The following MICALL1 variants were observed in gnomAD, a reference collection of about 807,000 sequenced individuals.
The protein encoded by MICALL1 is MICAL-like protein 1.
Under a neutral mutation model 83.7 loss-of-function variants are expected in MICALL1, and 61 were observed. The ratio of observed to expected loss-of-function variants is 0.73; its 90% CI spans 0.59 to 0.90. The LOEUF (loss-of-function observed/expected upper bound fraction) is 0.90, where lower values mean the gene tolerates loss of function less well. Ranked by LOEUF, MICALL1 falls within the 40% of genes least tolerant of loss-of-function variation. The pLI is 0.00. For synonymous variants in MICALL1, 481 were observed against 473.6 expected (o/e 1.02, Z -0.20); for missense variants, 1,066 against 1,152.0 (o/e 0.93, Z 1.08).
chr22:37,918,674 C>T (rs1928826552), intron 4 of MICALL1, among the ~76,000 whole-genome samples: 1 of 152,196 alleles, frequency 6.6e-6, no homozygotes, highest in Non-Finnish European at 1.5e-5. Flanking sequence ...GGCTCCCCCG[C>T]AAAGGGGAGG....
chr22:37,930,759 G>A lies in MICALL1; in HGVS notation c.1882-1040G>A, dbSNP rs573622495. Among the ~76,000 whole-genome samples the A allele has an allele frequency of 3.9e-5, 6 of 152,322 alleles. No homozygotes were observed. Among genetic ancestry groups the A allele is most frequent in the African/African-American group, 1.4e-4 (6 of 41,572 alleles). ...CAGAGCCTGGGCTCTGGGTGTGTGG[G>A]TACTGGGCTGTGCAGCAGAGGATGA... is the stretch of plus-strand genomic sequence containing the variant. On this transcript the variant is annotated intron_variant, in intron 9 of 15. Transcript: ENST00000215957. This position sits in a 1 kb window ranked among gnomAD's most constrained non-coding sequence, Gnocchi z 4.8.
intron 5 of MICALL1, among the ~76,000 whole-genome samples, chr22:37,919,695 A>C (rs1253686219): frequency 6.6e-6 from 1 of 151,680 alleles, no homozygotes; most frequent in Non-Finnish European, 1.5e-5. Flanking sequence ...TAGCTTAAAA[A>C]ATTTTTTTTT....
chr22:37,934,267 G>A (rs1437613726), intron 13 of MICALL1, among the ~76,000 whole-genome samples: 1 of 152,200 alleles, frequency 6.6e-6, no homozygotes, highest in East Asian at 1.9e-4. Context: ...ACACCATGAG[G>A]GCCATTGCTT....
chr22:37,925,144 G>T (rs1929341272), intron 7 of MICALL1, among the ~76,000 whole-genome samples: 1 of 152,186 alleles, frequency 6.6e-6, no homozygotes, highest in African/African-American at 2.4e-5. Context: ...TACTTCAGCT[G>T]TTATTTGAGG....
In MICALL1 at chr22:37,906,720, G is replaced by C. The variant is rs956059933; in HGVS notation, c.146+152G>C. On this transcript the variant is annotated intron_variant, in intron 1 of 15. Coordinates refer to ENST00000215957, the MANE Select transcript of MICALL1 (RefSeq NM_033386.4). This position sits in a 1 kb window ranked among gnomAD's most constrained non-coding sequence, Gnocchi z 4.4. ...CCCCGACGGCCCCGGACGCCGGGCG[G>C]GTCCCTGAGACCCCGGCCCAGGGCG... 7 of 718,304 alleles carry C rather than the reference G, an allele frequency of 9.7e-6. No individual in the cohort carries two copies. The highest frequency in any genetic ancestry group is 1.3e-5 in the Non-Finnish European group (7 of 556,934). The allele number at this position is 718,304 out of a possible 1,614,324, so 44.5% of individuals were successfully genotyped here.
chr22:37,912,576 G>A, intron 3 of MICALL1, 84 bp downstream of exon 3: 1 of 1,323,012 alleles, frequency 7.6e-7, no homozygotes. Flanking sequence ...GGTTTTCTGA[G>A]TTGTAAACAG....
At chr22:37,922,461 G>A (rs1478678063) in intron 6 of MICALL1, 35 bp downstream of exon 6, 3 of 1,442,210 alleles carry the variant, frequency 2.1e-6, no homozygotes, top group Non-Finnish European at 2.7e-6. Flanking sequence ...GGGGCACCGG[G>A]TGGCAGTGCA....
chr22:37,937,938 G>T, intron 15 of MICALL1, 146 bp downstream of exon 15: 2 of 1,001,958 alleles, frequency 2.0e-6, no homozygotes, highest in Non-Finnish European at 3.0e-6. Context: ...GTGCAGAGAG[G>T]GCTGTGTGTA....
intron 6 of MICALL1, among the ~76,000 whole-genome samples, 176 bp downstream of exon 6, chr22:37,922,602 T>TATATG (rs36105155): frequency 2.7e-5 from 1 of 37,208 alleles, no homozygotes; most frequent in Admixed American, 3.7e-4. Context: ...TATATATATA[T>TATATG]TTTTTTTTTT....
At chr22:37,916,413 C>T (rs2899295) in intron 3 of MICALL1, among the ~76,000 whole-genome samples, 54,960 of 152,150 alleles carry the variant, frequency 0.36, 10,375 homozygotes, top group Non-Finnish European at 0.41. Flanking sequence ...ATTTTTATCC[C>T]ATCTGCTGCT....
rs750615517 is a variant in MICALL1 at position 37,912,029 on chromosome 22, G to C, written c.195+29G>C. On this transcript the variant is annotated intron_variant, in intron 2 of 15. Transcript: ENST00000215957. ...AGTTCCCGGACAGGTGGAAGCCCAA[G>C]AGGCTCTGTGTATGTGTGTGTGTGT... 46 of 1,604,424 alleles carry C rather than the reference G, an allele frequency of 2.9e-5. No homozygotes were observed. The East Asian group carries it at 1.0e-3, about 35-fold the overall frequency.
Position 37,932,658 on chromosome 22 carries a change from A to T in MICALL1, c.2122A>T (p.Lys708Ter). The part of the protein sequence containing the change: ...LEHRGVLLEE[K>*]LRGGLNEGRE... ...GCACCGTGGGGTGCTGCTGGAGGAG[A>T]AGCTGCGTGGCGGCCTGAATGGTGC... The change falls in exon 11 of 16, where the codon AAG (lysine) becomes TAG (stop). Residue 708 changes from lysine (K) to a stop codon, truncating the protein, a stop_gained. Transcript: ENST00000215957. LOFTEE classifies it high-confidence loss of function. This position sits in a 1 kb window ranked among gnomAD's most constrained non-coding sequence, Gnocchi z 4.4. 6.2e-7 allele frequency: 1 copy of T among 1,613,952 alleles called. No individual in the cohort carries two copies. Among genetic ancestry groups the T allele is most frequent in the Non-Finnish European group, 8.5e-7 (1 of 1,179,952 alleles).
intron 13 of MICALL1, among the ~76,000 whole-genome samples, chr22:37,935,871 AGGTGTGTGCCACCACACCCC>A (rs1930093236): frequency 6.6e-6 from 1 of 151,790 alleles, no homozygotes. Flanking sequence ...CTGGGATTTC[AGGTGTGTGCCACCACACCCC>A]GCTAATTTTT....
chr22:37,909,513 C>G (rs1928182265), intron 1 of MICALL1, among the ~76,000 whole-genome samples: 1 of 152,132 alleles, frequency 6.6e-6, no homozygotes, highest in South Asian at 2.1e-4. Flanking sequence ...TGCCCGCCAC[C>G]ATGCCTGGCT....
At position 37,922,073 on chromosome 22, in the gene MICALL1, G is replaced by T. The variant is rs796792050; in HGVS notation, c.671G>T (p.Gly224Val). Residue 224 changes from glycine (G) to valine (V), a missense_variant, in exon 6 of 16, where the codon GGG becomes GTG. Gly to Val is a moderately radical substitution (Grantham distance 109, BLOSUM62 -3). Coordinates refer to ENST00000215957, the MANE Select transcript of MICALL1 (RefSeq NM_033386.4). ...GAACACTGTGCCAGGCTGGGCCCGG[G>T]GACACGGTCGGGGACCAGGCCTGGG... is the stretch of plus-strand genomic sequence containing the variant. Reference protein sequence around the residue: ...CAEHCARLGPGTRSGTRPGPF... With the variant: ...CAEHCARLGPVTRSGTRPGPF... 6.2e-7 allele frequency: 1 copy of T among 1,613,438 alleles called. No individual in the cohort carries two copies. The highest frequency in any genetic ancestry group is 1.1e-5 in the South Asian group (1 of 91,084).
chr22:37,917,847 A>C (rs773125418), intron 4 of MICALL1, 52 bp downstream of exon 4: 1 of 1,477,086 alleles, frequency 6.8e-7, no homozygotes, highest in Admixed American at 1.7e-5. Flanking sequence ...GGGGCGAGTT[A>C]TGTGGACGAC....
In MICALL1 at chr22:37,927,477, T is replaced by C; in HGVS notation, c.1532T>C (p.Val511Ala). 1 of 1,610,928 alleles carries C rather than the reference T, an allele frequency of 6.2e-7. No homozygotes were observed. The highest frequency in any genetic ancestry group is 8.5e-7 in the Non-Finnish European group (1 of 1,177,798). Residue 511 changes from valine (V) to alanine (A), a missense_variant, in exon 9 of 16, where the codon GTG becomes GCG. Val to Ala is a moderately conservative substitution (Grantham distance 64, BLOSUM62 0). Coordinates refer to ENST00000215957, the MANE Select transcript of MICALL1 (RefSeq NM_033386.4). ...PSATPSPALS[V>A]ESLSSESASQ... ...GCCACACCATCGCCAGCGCTCAGCG[T>C]GGAGAGCCTGTCGTCTGAGAGCGCC...
chr22:37,927,344 C>T (rs775788122), intron 8 of MICALL1, 67 bp from the exon 9 acceptor site: 72 of 1,452,370 alleles, frequency 5.0e-5, no homozygotes, highest in Middle Eastern at 2.5e-4. Context: ...AGAGTGGAGC[C>T]GGGAGGTGGG....
intron 2 of MICALL1, 112 bp downstream of exon 2, chr22:37,912,112 G>A (rs1331397662): frequency 3.8e-6 from 5 of 1,309,130 alleles, no homozygotes; most frequent in South Asian, 1.2e-5. Context: ...CTTGTACACC[G>A]GCCCTGGCTG....
Sources: allele counts gnomAD v4.1 joint callset (sites outside exome capture counted in the v4.1 genomes callset), GRCh38; gene constraint gnomAD v4.1.1; non-coding constraint Gnocchi (gnomAD v3.1); transcripts MANE v1.5; gene names NCBI Gene and HGNC (gene_info 2026-07-23, HGNC 2026-07-21).